NRG3: variants seen among roughly 807,000 people sequenced by gnomAD.
NRG3 encodes the protein pro-neuregulin-3, membrane-bound isoform.
Under a neutral mutation model 66.9 loss-of-function variants are expected in NRG3, and 31 were observed. The ratio of observed to expected loss-of-function variants is 0.46; its 90% CI spans 0.35 to 0.63. The LOEUF is 0.63. NRG3 is among the 20% of genes least tolerant of loss of function. NRG3 has a pLI of 0.00. For synonymous variants in NRG3, 393 were observed against 359.4 expected (o/e 1.09, Z -1.06); for missense variants, 910 against 878.9 (o/e 1.04, Z -0.45).
At chr10:82,526,869 C>T (rs1846754861) in intron 2 of NRG3, among the ~76,000 whole-genome samples, 1 of 151,994 alleles carries the variant, frequency 6.6e-6, no homozygotes, top group African/African-American at 2.4e-5. Flanking sequence ...TACTTTTAGG[C>T]ATATTTGTAT....
intron 2 of NRG3, among the ~76,000 whole-genome samples, chr10:82,500,306 G>T (rs1844046356): frequency 6.6e-6 from 1 of 152,118 alleles, no homozygotes; most frequent in Admixed American, 6.6e-5. Flanking sequence ...CAGAAATTCA[G>T]TGAAACCATA....
At chr10:82,497,520 T>A (rs775616753) in intron 2 of NRG3, among the ~76,000 whole-genome samples, 1 of 152,156 alleles carries the variant, frequency 6.6e-6, no homozygotes, top group Non-Finnish European at 1.5e-5. Flanking sequence ...TCCAAGGTCA[T>A]CCATATTGTT....
chr10:82,276,316 C>T (rs966510255), intron 1 of NRG3, among the ~76,000 whole-genome samples: 3 of 152,066 alleles, frequency 2.0e-5, no homozygotes, highest in Non-Finnish European at 2.9e-5. Flanking sequence ...AATGAAATCT[C>T]ATTCTACAAA....
In NRG3 at chr10:81,969,091, T is replaced by G. The variant is rs74349253; in HGVS notation, c.823+92928T>G. 8.4e-3 allele frequency among the ~76,000 whole-genome samples: 1,276 copies of G among 152,196 alleles called. 6 individuals are homozygous for G. Among genetic ancestry groups the G allele is most frequent in the African/African-American group, 0.022 (899 of 41,526 alleles). On this transcript the variant is annotated intron_variant, in intron 1 of 8. Coordinates refer to ENST00000372141, the MANE Select transcript of NRG3 (RefSeq NM_001010848.4). Reference sequence around the variant, plus strand: ...CAGGTCTCCTGTCAACAGTGGAGCATTGTTGAACAGATTATGAGGGGTAAG... The same window carrying G: ...CAGGTCTCCTGTCAACAGTGGAGCAGTGTTGAACAGATTATGAGGGGTAAG...
In NRG3 at chr10:82,647,755, T is replaced by TG. The variant is rs533275059; in HGVS notation, c.954-90821dup. Among the ~76,000 whole-genome samples, 23 of 152,274 alleles carry TG rather than the reference T, an allele frequency of 1.5e-4. No homozygotes were observed. In the East Asian group the frequency reaches 4.4e-3, roughly 29 times the overall value. On this transcript the variant is annotated intron_variant, in intron 2 of 8. Coordinates refer to ENST00000372141, the MANE Select transcript of NRG3 (RefSeq NM_001010848.4). ...TTGATTTGCATTTTTTGATGGCCAGTGATGGTGAGCATTTTTTCATGTGTT... is the reference window on the plus strand; with the variant it reads ...TTGATTTGCATTTTTTGATGGCCAGTGGATGGTGAGCATTTTTTCATGTGTT...
chr10:82,919,489 G>A (rs1414029465), intron 4 of NRG3, among the ~76,000 whole-genome samples: 1 of 152,086 alleles, frequency 6.6e-6, no homozygotes, highest in Non-Finnish European at 1.5e-5. Context: ...TGCATCCCAG[G>A]CACAACCACT....
At chr10:82,725,201 C>T (rs2057530424) in intron 2 of NRG3, among the ~76,000 whole-genome samples, 2 of 151,742 alleles carry the variant, frequency 1.3e-5, no homozygotes, top group Admixed American at 1.3e-4. Flanking sequence ...TCTTTTCTTC[C>T]TTCCTTCTCT....
At chr10:82,526,459 A>G (rs1274336832) in intron 2 of NRG3, among the ~76,000 whole-genome samples, 1 of 151,912 alleles carries the variant, frequency 6.6e-6, no homozygotes, top group African/African-American at 2.4e-5. Context: ...TATCAGATTG[A>G]ACATGTATAT....
At chr10:82,669,649 C>A (rs1382488274) in intron 2 of NRG3, among the ~76,000 whole-genome samples, 3 of 152,148 alleles carry the variant, frequency 2.0e-5, no homozygotes, top group African/African-American at 7.2e-5. Context: ...CCGCAACATG[C>A]CGGGCGCGGT....
chr10:82,781,995 C>T (rs2060135052), intron 3 of NRG3, among the ~76,000 whole-genome samples: 1 of 152,054 alleles, frequency 6.6e-6, no homozygotes, highest in African/African-American at 2.4e-5. Context: ...TTTTGTGCTC[C>T]CAAGAAACCA....
chr10:82,669,248 GTAATAATAATAA>G (rs5786560), intron 2 of NRG3, among the ~76,000 whole-genome samples: 3,696 of 143,014 alleles, frequency 0.026, 144 homozygotes, highest in African/African-American at 0.087. Context: ...ATTTATGATG[GTAATAATAATAA>G]TAATAATAAT....
chr10:82,774,877 AT>A (rs1338345058), intron 3 of NRG3, among the ~76,000 whole-genome samples: 1 of 124,186 alleles, frequency 8.1e-6, no homozygotes, highest in Non-Finnish European at 1.6e-5. Context: ...CAGGCTGTTA[AT>A]GTGGCATGAT....
At chr10:82,862,693 T>C (rs1190631167) in intron 3 of NRG3, among the ~76,000 whole-genome samples, 1 of 152,166 alleles carries the variant, frequency 6.6e-6, no homozygotes, top group Non-Finnish European at 1.5e-5. Flanking sequence ...GCACCTCACT[T>C]TGCAATACTT....
rs2053989043 is a variant in NRG3, at chr10:82,679,882, CT to C, written c.954-58691del. Among the ~76,000 whole-genome samples, 3 of 152,120 alleles carry C rather than the reference CT, an allele frequency of 2.0e-5. No individual in the cohort carries two copies. The East Asian group carries it at 5.8e-4, about 29-fold the overall frequency. On this transcript the variant is annotated intron_variant, in intron 2 of 8. Coordinates refer to ENST00000372141, the MANE Select transcript of NRG3 (RefSeq NM_001010848.4). ...TACTGGAAAAAAAAAAGAAAAAAGT[CT>C]TTTGTTTATGTACTAACCTTTATTT...
At chr10:82,898,619 A>C (rs1203753883) in intron 4 of NRG3, among the ~76,000 whole-genome samples, 2 of 152,070 alleles carry the variant, frequency 1.3e-5, no homozygotes, top group Non-Finnish European at 2.9e-5. Flanking sequence ...GAGAAGGGAA[A>C]GGGAGCAGGT....
intron 1 of NRG3, among the ~76,000 whole-genome samples, chr10:82,184,190 C>T (rs1017540409): frequency 6.6e-6 from 1 of 152,140 alleles, no homozygotes; most frequent in African/African-American, 2.4e-5. Context: ...ATTATTTACA[C>T]TTTTCACTGT....
chr10:82,861,003 C>A (rs1286093680), intron 3 of NRG3, among the ~76,000 whole-genome samples: 8 of 152,100 alleles, frequency 5.3e-5, no homozygotes, highest in Non-Finnish European at 8.8e-5. Context: ...ACTCAAATGA[C>A]AAAATTAATT....
intron 5 of NRG3, among the ~76,000 whole-genome samples, chr10:82,955,911 T>C (rs2132409307): frequency 6.6e-6 from 1 of 151,970 alleles, no homozygotes; most frequent in East Asian, 1.9e-4. Flanking sequence ...GACCTAGACC[T>C]TTTCCCCAAC....
chr10:82,700,207 T>C (rs1369617406), intron 2 of NRG3, among the ~76,000 whole-genome samples: 5 of 152,160 alleles, frequency 3.3e-5, no homozygotes, highest in Non-Finnish European at 7.3e-5. Context: ...CTAGGTTACA[T>C]GGTAGACTGA....
Sources: allele counts gnomAD v4.1 joint callset (sites outside exome capture counted in the v4.1 genomes callset), GRCh38; gene constraint gnomAD v4.1.1; transcripts MANE v1.5; gene names NCBI Gene and HGNC (gene_info 2026-07-23, HGNC 2026-07-21).